ITIH5: variants seen among roughly 807,000 people sequenced by gnomAD.
The protein encoded by ITIH5 is inter-alpha-trypsin inhibitor heavy chain H5.
In ITIH5, 65 loss-of-function variants were observed where a neutral mutation model predicts 77.5. The ratio of observed to expected loss-of-function variants is 0.84; its 90% CI spans 0.69 to 1.03. ITIH5 has a LOEUF of 1.03. Ranked by LOEUF, ITIH5 falls within the 50% of genes least tolerant of loss-of-function variation. ITIH5 has a pLI of 0.00. For synonymous variants in ITIH5, 525 were observed against 494.3 expected (o/e 1.06, Z -0.82); for missense variants, 1,208 against 1,213.1 (o/e 1.00, Z 0.06).
At chr10:7,646,798 G>A (rs1834015777) in intron 2 of ITIH5, among the ~76,000 whole-genome samples, 1 of 152,184 alleles carries the variant, frequency 6.6e-6, no homozygotes, top group Non-Finnish European at 1.5e-5. Flanking sequence ...TCACCTGGTA[G>A]CCATAGGCTT....
rs909857817 is a variant in ITIH5 at position 7,566,022 on chromosome 10, C to G, written c.2527+8G>C. The G allele has an allele frequency of 6.2e-7, 1 of 1,611,572 alleles. No homozygotes were observed. Among genetic ancestry groups the G allele is most frequent in the Non-Finnish European group, 8.5e-7 (1 of 1,178,386 alleles). ...TATGCCCAGCGTGAGGAGAGCGCAG[C>G]TTCCTACCCAGCAGTCCGTGGCAGT... On this transcript the variant is annotated splice_region_variant and intron_variant, in intron 13 of 13. Coordinates refer to ENST00000397146, the MANE Select transcript of ITIH5 (RefSeq NM_030569.7).
chr10:7,654,447 T>TC (rs1268961497), intron 2 of ITIH5, among the ~76,000 whole-genome samples: 1 of 152,166 alleles, frequency 6.6e-6, no homozygotes, highest in Non-Finnish European at 1.5e-5. Context: ...GAAGACAGGT[T>TC]CCCCCTTCAG....
At chr10:7,650,345 T>G (rs1834077260) in intron 2 of ITIH5, among the ~76,000 whole-genome samples, 1 of 152,254 alleles carries the variant, frequency 6.6e-6, no homozygotes, top group South Asian at 2.1e-4. Flanking sequence ...CATCTAACTC[T>G]GCTCCCCTTT....
At chr10:7,572,159 G>A in intron 11 of ITIH5, 1 of 1,167,048 alleles carries the variant, frequency 8.6e-7, no homozygotes, top group Non-Finnish European at 1.1e-6. Context: ...CCCGCAGGCT[G>A]TGCGGACTCT....
chr10:7,623,720 G>A (rs111975568), intron 5 of ITIH5, among the ~76,000 whole-genome samples: 20,258 of 148,820 alleles, frequency 0.14, 1,514 homozygotes, highest in East Asian at 0.26. Context: ...GGAGAATGGC[G>A]TGAACCCAGG....
intron 7 of ITIH5, among the ~76,000 whole-genome samples, chr10:7,613,038 A>T (rs913672051): frequency 6.6e-6 from 1 of 152,188 alleles, no homozygotes; most frequent in Non-Finnish European, 1.5e-5. Context: ...TGAGGTTAGG[A>T]GTTCGAGACC....
At chr10:7,588,006 A>G (rs1371626377) in intron 7 of ITIH5, among the ~76,000 whole-genome samples, 1 of 152,180 alleles carries the variant, frequency 6.6e-6, no homozygotes, top group African/African-American at 2.4e-5. Flanking sequence ...CCAACTGCTC[A>G]TCCCACATTC....
chr10:7,655,981 AGAGT>A (rs1408573955), intron 1 of ITIH5, among the ~76,000 whole-genome samples: 1 of 152,206 alleles, frequency 6.6e-6, no homozygotes, highest in Non-Finnish European at 1.5e-5. Flanking sequence ...ACAAAAAGAT[AGAGT>A]ATTTGTATTC....
chr10:7,591,884 T>A (rs754795675), intron 7 of ITIH5, among the ~76,000 whole-genome samples: 22 of 152,228 alleles, frequency 1.4e-4, no homozygotes, highest in African/African-American at 4.6e-4. Context: ...TATTTATTTA[T>A]TTTTTGAGAT....
chr10:7,585,780 T>TCC, intron 8 of ITIH5, 121 bp downstream of exon 8: 1 of 816,172 alleles, frequency 1.2e-6, no homozygotes, highest in Non-Finnish European at 1.8e-6. Context: ...GCCTGCAGTC[T>TCC]CCCTTCCTGC....
Position 7,560,558 on chromosome 10 carries a change from G to A in ITIH5, c.*2525C>T, listed in dbSNP as rs139380169. On this transcript the variant is annotated 3_prime_UTR_variant, in exon 14 of 14. Coordinates refer to ENST00000397146, the MANE Select transcript of ITIH5 (RefSeq NM_030569.7). ...ATTAAAAAGTCAAATGGAGGAAGAT[G>A]GTGCACCTAGCATGGGGCCGTCGGG... 4 of 152,300 alleles carry A rather than the reference G, an allele frequency of 2.6e-5. No homozygotes were observed. Among genetic ancestry groups the A allele is most frequent in the African/African-American group, 9.6e-5 (4 of 41,544 alleles). 9.4% of individuals were successfully genotyped at this position (152,300 alleles called of 1,614,324 possible).
At chr10:7,613,828 T>A (rs1833307924) in intron 7 of ITIH5, among the ~76,000 whole-genome samples, 1 of 152,176 alleles carries the variant, frequency 6.6e-6, no homozygotes, top group Admixed American at 6.5e-5. Flanking sequence ...CTACACTGTG[T>A]GCAAAGCAGA....
At chr10:7,564,855 A>G (rs1259992640) in intron 13 of ITIH5, among the ~76,000 whole-genome samples, 1 of 151,158 alleles carries the variant, frequency 6.6e-6, no homozygotes, top group Non-Finnish European at 1.5e-5. Flanking sequence ...ACATATATAC[A>G]TACATACACA....
chr10:7,647,091 A>G (rs997275962), intron 2 of ITIH5, among the ~76,000 whole-genome samples: 2 of 152,170 alleles, frequency 1.3e-5, no homozygotes, highest in African/African-American at 4.8e-5. Flanking sequence ...CATTTTATGG[A>G]TGCATTAAAT....
In ITIH5 at chr10:7,625,465, C is replaced by T. The variant is rs184397248; in HGVS notation, c.653-8183G>A. On this transcript the variant is annotated intron_variant, in intron 5 of 13. Transcript: ENST00000397146. ...TGAATAGACTTAACACTGCCAAACA[C>T]TTAGAAGTGACTCAGATGGGCCGGG... 2.4e-3 allele frequency among the ~76,000 whole-genome samples: 358 copies of T among 152,196 alleles called. 2 individuals are homozygous for T. The highest frequency in any genetic ancestry group is 0.01 in the Middle Eastern group (3 of 294).
chr10:7,640,641 AAAGAG>A (rs1452032799), intron 4 of ITIH5, 108 bp downstream of exon 4: 6 of 668,626 alleles, frequency 9.0e-6, no homozygotes, highest in African/African-American at 3.6e-5. Flanking sequence ...GATAAAAAAG[AAAGAG>A]AAAAGTATTT....
chr10:7,565,867 TAC>T (rs138616919), intron 13 of ITIH5, among the ~76,000 whole-genome samples, 161 bp downstream of exon 13: 2,597 of 151,310 alleles, frequency 0.017, 64 homozygotes, highest in African/African-American at 0.055. Context: ...TATATATATG[TAC>T]ACACACACAT....
chr10:7,610,620 C>T (rs1314395354), intron 7 of ITIH5, among the ~76,000 whole-genome samples: 1 of 152,168 alleles, frequency 6.6e-6, no homozygotes, highest in Non-Finnish European at 1.5e-5. Context: ...ATATGAAAAG[C>T]CCTTTGCTTG....
intron 6 of ITIH5, among the ~76,000 whole-genome samples, chr10:7,616,705 G>A (rs1008151362): frequency 1.3e-5 from 2 of 152,154 alleles, no homozygotes; most frequent in African/African-American, 4.8e-5. Flanking sequence ...GTGGGTGCCT[G>A]TAATCTCAGC....
Sources: allele counts gnomAD v4.1 joint callset (sites outside exome capture counted in the v4.1 genomes callset), GRCh38; gene constraint gnomAD v4.1.1; transcripts MANE v1.5; gene names NCBI Gene and HGNC (gene_info 2026-07-23, HGNC 2026-07-21).